Variants in TMEM63C observed in about 807,000 individuals in gnomAD.
TMEM63C encodes the protein osmosensitive cation channel TMEM63C.
TMEM63C carries 32 observed loss-of-function variants against 99.2 expected under a neutral mutation model. That is an observed-to-expected ratio of 0.32 (90% CI 0.24 to 0.43). The LOEUF is 0.43. TMEM63C is among the 20% of genes least tolerant of loss of function. The pLI is 1.00. For missense variants in TMEM63C, 826 were observed against 1,053.0 expected (o/e 0.78, Z 2.98); for synonymous variants, 376 against 397.9 (o/e 0.94, Z 0.66).
intron 20 of TMEM63C, 45 bp downstream of exon 20, chr14:77,248,917 T>A (rs1339905299): frequency 6.6e-7 from 1 of 1,510,736 alleles, no homozygotes; most frequent in African/African-American, 1.4e-5. Flanking sequence ...CATCCGCAGA[T>A]GGGGAGGAGG....
intron 21 of TMEM63C, 176 bp from the exon 22 acceptor site, chr14:77,251,613 A>G: frequency 1.7e-6 from 1 of 605,222 alleles, no homozygotes; most frequent in Non-Finnish European, 2.9e-6. Flanking sequence ...CCAAATTCTA[A>G]CAGAGCAAAG....
At chr14:77,223,002 C>T (rs112355908) in intron 5 of TMEM63C, among the ~76,000 whole-genome samples, 16 of 152,260 alleles carry the variant, frequency 1.1e-4, no homozygotes, top group African/African-American at 3.4e-4. Context: ...TTGTCAGTTG[C>T]GCTAAGTAAG....
chr14:77,189,345 T>C lies in TMEM63C; in HGVS notation c.-77+7451T>C, dbSNP rs187310110. ...GTTTCCCAACCTGGTCACAAATTCC[T>C]GGGCTCAAGTGATCCACCCATGTGG... On this transcript the variant is annotated intron_variant, in intron 1 of 23. Transcript: ENST00000298351. 2.0e-5 allele frequency among the ~76,000 whole-genome samples: 3 copies of C among 152,100 alleles called. No individual in the cohort carries two copies. In the East Asian group the frequency reaches 5.8e-4, roughly 29 times the overall value.
intron 1 of TMEM63C, among the ~76,000 whole-genome samples, chr14:77,194,861 T>C (rs989414667): frequency 1.3e-5 from 2 of 151,774 alleles, no homozygotes; most frequent in East Asian, 1.9e-4. Flanking sequence ...GGATTACAGG[T>C]GTGAGCCACC....
rs374910796 is a variant in TMEM63C at position 77,182,950 on chromosome 14, A to G, written c.-77+1056A>G. The stretch of plus-strand genomic sequence containing the variant: ...TGTGTTTTCCCTCAAGAAAGGGTCC[A>G]TCTCTTAGCACCACCCTCTGTTATC... On this transcript the variant is annotated intron_variant, in intron 1 of 23. Transcript: ENST00000298351. 2.0e-3 allele frequency among the ~76,000 whole-genome samples: 311 copies of G among 152,252 alleles called. 1 individual carries two copies. Among genetic ancestry groups the G allele is most frequent in the African/African-American group, 7.0e-3 (292 of 41,542 alleles).
At chr14:77,219,719 G>T (rs1888655107) in intron 4 of TMEM63C, 142 bp downstream of exon 4, 1 of 855,624 alleles carries the variant, frequency 1.2e-6, no homozygotes, top group Non-Finnish European at 1.9e-6. Context: ...TGCCCTCCCT[G>T]CAGGAAGGGG....
intron 19 of TMEM63C, 81 bp from the exon 20 acceptor site, chr14:77,248,686 A>T: frequency 6.6e-7 from 1 of 1,508,306 alleles, no homozygotes; most frequent in Non-Finnish European, 9.2e-7. Context: ...CTGAGCTGCC[A>T]GGAGGCTGAT....
intron 2 of TMEM63C, among the ~76,000 whole-genome samples, chr14:77,218,095 T>C (rs1888619511): frequency 6.6e-6 from 1 of 152,192 alleles, no homozygotes; most frequent in African/African-American, 2.4e-5. Flanking sequence ...TTGGATTGTT[T>C]GTAACCCAAA....
At chr14:77,249,235 C>G (rs750928644) in intron 20 of TMEM63C, 56 bp from the exon 21 acceptor site, 6 of 1,577,042 alleles carry the variant, frequency 3.8e-6, no homozygotes, top group Non-Finnish European at 5.2e-6. Context: ...ACACTGGAGC[C>G]ACAAAGGTCC....
intron 16 of TMEM63C, among the ~76,000 whole-genome samples, chr14:77,244,954 G>A (rs1405973797): frequency 6.6e-6 from 1 of 152,204 alleles, no homozygotes; most frequent in Admixed American, 6.5e-5. Context: ...TAGCCTTGAT[G>A]GTTCTATGGT....
At chr14:77,205,085 C>T (rs1888371820) in intron 1 of TMEM63C, among the ~76,000 whole-genome samples, 1 of 152,160 alleles carries the variant, frequency 6.6e-6, no homozygotes, top group African/African-American at 2.4e-5. Context: ...AGAGAACCTT[C>T]CAGGTGGTGG....
At chr14:77,238,511 C>T (rs933135684) in intron 9 of TMEM63C, among the ~76,000 whole-genome samples, 183 bp from the exon 10 acceptor site, 13 of 152,218 alleles carry the variant, frequency 8.5e-5, no homozygotes, top group Admixed American at 7.8e-4. Flanking sequence ...AGGCAGCTGG[C>T]ACTTCCTTGG....
rs940759003 is a variant in TMEM63C at position 77,195,252 on chromosome 14, G to A, written c.-77+13358G>A. 4.6e-5 allele frequency among the ~76,000 whole-genome samples: 7 copies of A among 152,238 alleles called. No individual in the cohort carries two copies. In the South Asian group the frequency reaches 8.3e-4, roughly 18 times the overall value. Reference sequence around the variant, plus strand: ...ATGTGGGCGGGCCCAAGAGTTCACCGCCAATCTTTATTTTATCCATGAGGA... The same window carrying A: ...ATGTGGGCGGGCCCAAGAGTTCACCACCAATCTTTATTTTATCCATGAGGA... On this transcript the variant is annotated intron_variant, in intron 1 of 23. Transcript: ENST00000298351.
intron 1 of TMEM63C, among the ~76,000 whole-genome samples, chr14:77,205,952 G>A (rs1888391587): frequency 6.6e-6 from 1 of 152,210 alleles, no homozygotes. Context: ...TGTAAATGGG[G>A]ACAGTTGCCA....
chr14:77,215,614 A>AAAAAAAAAAAAAAAAAAAGAAAAG (rs772701077), intron 2 of TMEM63C, among the ~76,000 whole-genome samples: 1 of 76,528 alleles, frequency 1.3e-5, no homozygotes, highest in African/African-American at 5.6e-5. Flanking sequence ...AAAAAAAAAA[A>AAAAAAAAAAAAAAAAAAAGAAAAG]AAAAGAAAAG....
intron 6 of TMEM63C, among the ~76,000 whole-genome samples, chr14:77,226,990 A>C (rs1888840559): frequency 6.6e-6 from 1 of 151,794 alleles, no homozygotes; most frequent in African/African-American, 2.4e-5. Flanking sequence ...CTGGCCTCAA[A>C]CTCCTGACCT....
In TMEM63C at chr14:77,246,905, C is replaced by T. The variant is rs376510574; in HGVS notation, c.1601+231C>T. Among the ~76,000 whole-genome samples, 19 of 152,304 alleles carry T rather than the reference C, an allele frequency of 1.2e-4. No homozygotes were observed. In the East Asian group the frequency reaches 2.3e-3, roughly 19 times the overall value. On this transcript the variant is annotated intron_variant, in intron 18 of 23. Transcript: ENST00000298351. The stretch of plus-strand genomic sequence containing the variant: ...GATATCTTTGAAATAATTGTATAGT[C>T]ACAGGAAGTTGCCCCCAAACTGTAT...
chr14:77,226,414 G>A (rs1160552395), intron 6 of TMEM63C, among the ~76,000 whole-genome samples: 1 of 152,182 alleles, frequency 6.6e-6, no homozygotes, highest in East Asian at 1.9e-4. Context: ...TAGCGTCCCC[G>A]TGCACAAACC....
At chr14:77,183,039 G>GCCCTTAGAAGTGAACTTTC (rs1169133606) in intron 1 of TMEM63C, among the ~76,000 whole-genome samples, 3 of 152,126 alleles carry the variant, frequency 2.0e-5, no homozygotes. Context: ...TCCGTCTATT[G>GCCCTTAGAAGTGAACTTTC]CCCTTAGAAG....
Sources: gnomAD v4.1 joint callset for allele counts (sites outside exome capture counted in the v4.1 genomes callset) on GRCh38, gnomAD v4.1.1 for gene constraint, MANE v1.5 for transcripts, NCBI Gene and HGNC (gene_info 2026-07-23, HGNC 2026-07-21) for gene names.